Variants in ANKRD6 observed in about 807,000 individuals in gnomAD.
The protein encoded by ANKRD6 is ankyrin repeat domain-containing protein 6.
A neutral mutation model predicts 82.3 loss-of-function variants in ANKRD6; 56 were observed. That is an observed-to-expected ratio of 0.68 (90% confidence interval 0.55 to 0.85). ANKRD6 has a LOEUF of 0.85. Ranked by LOEUF, ANKRD6 falls within the 40% of genes least tolerant of loss-of-function variation. The pLI is 0.00. For missense variants in ANKRD6, 852 were observed against 907.6 expected (o/e 0.94, Z 0.79); for synonymous variants, 347 against 352.1 (o/e 0.99, Z 0.16).
At chr6:89,508,019 C>T (rs1391579468) in intron 1 of ANKRD6, among the ~76,000 whole-genome samples, 1 of 152,184 alleles carries the variant, frequency 6.6e-6, no homozygotes, top group East Asian at 1.9e-4. Context: ...TTACAGTGAA[C>T]ACCTGTATAC....
chr6:89,605,983 T>C, intron 4 of ANKRD6, 24 bp from the exon 5 acceptor site: 1 of 1,538,176 alleles, frequency 6.5e-7, no homozygotes, highest in Non-Finnish European at 8.8e-7. Context: ...TAATGTGCCT[T>C]TCCCACCTGT....
chr6:89,590,816 G>A (rs1265597272), intron 2 of ANKRD6, among the ~76,000 whole-genome samples: 1 of 152,170 alleles, frequency 6.6e-6, no homozygotes, highest in Non-Finnish European at 1.5e-5. Flanking sequence ...AGTCTCCCAA[G>A]CCTCAGTTTC....
At chr6:89,435,414 A>G (rs772741980) in intron 1 of ANKRD6, among the ~76,000 whole-genome samples, 5 of 152,166 alleles carry the variant, frequency 3.3e-5, no homozygotes, top group Admixed American at 6.5e-5. Context: ...TCCCTTGCTT[A>G]TATGAAAAAC....
At chr6:89,517,428 CTT>C (rs1451417834) in intron 1 of ANKRD6, among the ~76,000 whole-genome samples, 2 of 152,230 alleles carry the variant, frequency 1.3e-5, no homozygotes, top group Non-Finnish European at 2.9e-5. Flanking sequence ...ACTTTGGCCT[CTT>C]TTATTGGAAT....
chr6:89,593,759 A>C (rs560002097), intron 2 of ANKRD6, among the ~76,000 whole-genome samples: 1 of 152,172 alleles, frequency 6.6e-6, no homozygotes, highest in Non-Finnish European at 1.5e-5. Context: ...TTGATGTTTG[A>C]ATGTTTCTTC....
intron 1 of ANKRD6, among the ~76,000 whole-genome samples, chr6:89,449,795 T>C (rs1772587057): frequency 6.6e-6 from 1 of 152,234 alleles, no homozygotes; most frequent in African/African-American, 2.4e-5. Flanking sequence ...GCATCTCAGT[T>C]TATAATTCTC....
rs1437962632 is a variant in ANKRD6 at position 89,631,867 on chromosome 6, T to C, written c.*863T>C. On this transcript the variant is annotated 3_prime_UTR_variant, in exon 16 of 16. Transcript: ENST00000339746. ...GAGATTTTTGCTCTACATTTTATAA[T>C]GAATAAGGCTATTTTTTGAAAGTAT... The C allele has an allele frequency of 6.6e-6, 1 of 152,254 alleles. No individual in the cohort carries two copies. The highest frequency in any genetic ancestry group is 1.5e-5 in the Non-Finnish European group (1 of 68,044). 9.4% of individuals were successfully genotyped at this position (152,254 alleles called of 1,614,324 possible).
At chr6:89,515,649 C>T (rs1350847536) in intron 1 of ANKRD6, among the ~76,000 whole-genome samples, 1 of 152,210 alleles carries the variant, frequency 6.6e-6, no homozygotes, top group Non-Finnish European at 1.5e-5. Flanking sequence ...GAAGGTGCCT[C>T]TCCTGGATTA....
chr6:89,534,739 A>C (rs921546382), intron 1 of ANKRD6, among the ~76,000 whole-genome samples: 2 of 152,154 alleles, frequency 1.3e-5, no homozygotes, highest in Non-Finnish European at 2.9e-5. Flanking sequence ...GATGAGGGTG[A>C]GGGGAGACAA....
chr6:89,514,388 A>T (rs4707543), intron 1 of ANKRD6, among the ~76,000 whole-genome samples: 149,326 of 151,876 alleles, frequency 0.98, 73,424 homozygotes, highest in East Asian at 1. Context: ...AAAAAAAAAA[A>T]TTTTTTTGGA....
chr6:89,475,283 T>G (rs1258141602), intron 1 of ANKRD6, among the ~76,000 whole-genome samples: 1 of 152,212 alleles, frequency 6.6e-6, no homozygotes, highest in East Asian at 1.9e-4. Context: ...AGCAAAAATA[T>G]CAGAGTCATG....
chr6:89,550,627 G>T (rs1785701568), intron 1 of ANKRD6, among the ~76,000 whole-genome samples: 2 of 152,170 alleles, frequency 1.3e-5, no homozygotes, highest in African/African-American at 4.8e-5. Context: ...TCTACATGCT[G>T]TAAGTGTACA....
At chr6:89,600,442 T>A (rs1399187047) in intron 3 of ANKRD6, among the ~76,000 whole-genome samples, 1 of 152,176 alleles carries the variant, frequency 6.6e-6, no homozygotes, top group Non-Finnish European at 1.5e-5. Context: ...TGCTCATACT[T>A]CATGAACAAT....
intron 1 of ANKRD6, among the ~76,000 whole-genome samples, chr6:89,546,130 A>G (rs983496060): frequency 2.0e-5 from 3 of 152,082 alleles, no homozygotes; most frequent in Admixed American, 6.6e-5. Flanking sequence ...ATAACCATCT[A>G]TCAGAGAGAT....
intron 2 of ANKRD6, among the ~76,000 whole-genome samples, chr6:89,580,080 T>C (rs1222188039): frequency 5.3e-5 from 8 of 152,028 alleles, no homozygotes; most frequent in Admixed American, 5.2e-4. Context: ...GAATTTTGGG[T>C]GGGGGTGATG....
chr6:89,628,277 A>G (rs904956173), intron 14 of ANKRD6: 8 of 158,634 alleles, frequency 5.0e-5, no homozygotes, highest in Admixed American at 1.8e-4. Context: ...TTTGTAAAGA[A>G]GAGAGTTCTT....
In ANKRD6 at chr6:89,605,682, A is replaced by G. The variant is rs138969821; in HGVS notation, c.319-325A>G. 1.4e-3 allele frequency among the ~76,000 whole-genome samples: 213 copies of G among 152,284 alleles called. 1 individual carries two copies. Among genetic ancestry groups the G allele is most frequent in the African/African-American group, 4.8e-3 (201 of 41,562 alleles). The stretch of plus-strand genomic sequence containing the variant: ...TCCTGATGATGCTTTCTGTTAAACG[A>G]GAGCTGTGGATGGGGCCTAGAGCCT... On this transcript the variant is annotated intron_variant, in intron 4 of 15. Coordinates refer to ENST00000339746, the MANE Select transcript of ANKRD6 (RefSeq NM_001242809.2).
intron 14 of ANKRD6, among the ~76,000 whole-genome samples, chr6:89,627,918 C>T (rs149319758): frequency 9.9e-4 from 151 of 152,306 alleles, no homozygotes; most frequent in African/African-American, 3.5e-3. Context: ...GAAGACCGAA[C>T]ATGCTGGGGA....
chr6:89,549,590 G>A (rs1785544515), intron 1 of ANKRD6, among the ~76,000 whole-genome samples: 1 of 152,162 alleles, frequency 6.6e-6, no homozygotes, highest in African/African-American at 2.4e-5. Context: ...AACCTCCCAT[G>A]CATTCAGGTA....
Sources: gnomAD v4.1 joint callset for allele counts (sites outside exome capture counted in the v4.1 genomes callset) on GRCh38, gnomAD v4.1.1 for gene constraint, MANE v1.5 for transcripts, NCBI Gene and HGNC (gene_info 2026-07-23, HGNC 2026-07-21) for gene names.